RSRC1: variants seen among roughly 807,000 people sequenced by gnomAD.
The protein encoded by RSRC1 is serine/Arginine-related protein 53.
RSRC1 carries 39 observed loss-of-function variants against 49.1 expected under a neutral mutation model. That is an observed-to-expected ratio of 0.79 (90% CI 0.61 to 1.04). RSRC1 has a LOEUF of 1.04. Ranked by LOEUF, RSRC1 falls within the 50% of genes least tolerant of loss-of-function variation. The pLI, the probability that RSRC1 is intolerant of heterozygous loss-of-function variation, is 0.00. For synonymous variants in RSRC1, 143 were observed against 130.8 expected (o/e 1.09, Z -0.63); for missense variants, 388 against 402.4 (o/e 0.96, Z 0.31).
At chr3:158,439,939 G>T (rs1736289335) in intron 6 of RSRC1, among the ~76,000 whole-genome samples, 1 of 152,064 alleles carries the variant, frequency 6.6e-6, no homozygotes, top group South Asian at 2.1e-4. Flanking sequence ...AGTATTTCAA[G>T]AGTAAGTAAT....
chr3:158,225,564 C>T (rs966790008), intron 4 of RSRC1: 2 of 343,378 alleles, frequency 5.8e-6, no homozygotes, highest in African/African-American at 4.4e-5. Context: ...GATTTACACC[C>T]CTTTTGGTTT....
intron 4 of RSRC1, among the ~76,000 whole-genome samples, chr3:158,210,263 T>G (rs922636170): frequency 2.0e-5 from 3 of 152,096 alleles, no homozygotes; most frequent in Non-Finnish European, 4.4e-5. Flanking sequence ...CACCAAGCTG[T>G]GTGGTGTTGT....
chr3:158,514,570 G>A (rs918700152), intron 7 of RSRC1, among the ~76,000 whole-genome samples: 8 of 152,034 alleles, frequency 5.3e-5, no homozygotes, highest in Admixed American at 2.0e-4. Context: ...GTGTGGTGTG[G>A]TGCTGAAAAA....
intron 4 of RSRC1, among the ~76,000 whole-genome samples, chr3:158,208,958 T>C (rs1721505733): frequency 6.6e-6 from 1 of 152,154 alleles, no homozygotes. Context: ...AGTTGACTGG[T>C]ATAAAACCTC....
At chr3:158,340,624 G>GAACT (rs1730183834) in intron 5 of RSRC1, among the ~76,000 whole-genome samples, 1 of 152,206 alleles carries the variant, frequency 6.6e-6, no homozygotes, top group Non-Finnish European at 1.5e-5. Context: ...CAGCCATGTG[G>GAACT]AACTGTAAGA....
At chr3:158,354,782 A>G (rs1731066917) in intron 5 of RSRC1, 75 bp from the exon 6 acceptor site, 2 of 1,076,200 alleles carry the variant, frequency 1.9e-6, no homozygotes, top group Non-Finnish European at 2.7e-6. Flanking sequence ...CAAATGCATT[A>G]ATTTAAAACT....
chr3:158,543,748 C>CT (rs1464016956), intron 9 of RSRC1: 2 of 325,656 alleles, frequency 6.1e-6, no homozygotes, highest in Admixed American at 5.3e-5. Flanking sequence ...AGCATTTTTT[C>CT]CTTTTTTTTT....
At chr3:158,140,704 T>A (rs1716690213) in intron 3 of RSRC1, among the ~76,000 whole-genome samples, 1 of 152,226 alleles carries the variant, frequency 6.6e-6, no homozygotes, top group Non-Finnish European at 1.5e-5. Context: ...TGGTCACATA[T>A]ATACTAAGTA....
chr3:158,216,864 C>T (rs777186742), intron 4 of RSRC1, among the ~76,000 whole-genome samples: 55 of 151,834 alleles, frequency 3.6e-4, no homozygotes, highest in Non-Finnish European at 6.3e-4. Context: ...CTCTGATGCT[C>T]ATGCTATTCA....
At chr3:158,235,960 A>G (rs1033908290) in intron 4 of RSRC1, among the ~76,000 whole-genome samples, 4 of 152,084 alleles carry the variant, frequency 2.6e-5, no homozygotes, top group African/African-American at 7.2e-5. Flanking sequence ...TACTAAAAAT[A>G]TAAAAATTAG....
chr3:158,186,210 G>T (rs1719922740), intron 3 of RSRC1, among the ~76,000 whole-genome samples: 1 of 151,848 alleles, frequency 6.6e-6, no homozygotes, highest in Admixed American at 6.6e-5. Context: ...CAGTTGTAGT[G>T]CCCACCTGCT....
At chr3:158,500,657 T>A (rs1397563301) in intron 7 of RSRC1, among the ~76,000 whole-genome samples, 1 of 152,118 alleles carries the variant, frequency 6.6e-6, no homozygotes, top group Admixed American at 6.6e-5. Context: ...ATAAAGGTGT[T>A]CATAGTAGCC....
intron 5 of RSRC1, among the ~76,000 whole-genome samples, chr3:158,301,139 A>G (rs1727522924): frequency 6.6e-6 from 1 of 151,812 alleles, no homozygotes; most frequent in East Asian, 1.9e-4. Flanking sequence ...GAACTGTCCT[A>G]GTATCTCATT....
At chr3:158,484,267 G>C (rs1337278745) in intron 7 of RSRC1, among the ~76,000 whole-genome samples, 1 of 152,094 alleles carries the variant, frequency 6.6e-6, no homozygotes, top group Non-Finnish European at 1.5e-5. Context: ...TGTGGAGACA[G>C]TTTAATTTGC....
At chr3:158,241,820 A>C (rs1046308647) in intron 4 of RSRC1, among the ~76,000 whole-genome samples, 1 of 151,952 alleles carries the variant, frequency 6.6e-6, no homozygotes, top group Non-Finnish European at 1.5e-5. Context: ...ATGATTCAAA[A>C]ATTTCCCCTT....
intron 5 of RSRC1, among the ~76,000 whole-genome samples, chr3:158,301,806 A>G (rs1450462932): frequency 2.0e-5 from 3 of 152,102 alleles, no homozygotes; most frequent in Non-Finnish European, 2.9e-5. Context: ...TGATTTAATT[A>G]TCTTTGGACA....
chr3:158,288,210 G>A (rs748389306), intron 4 of RSRC1, among the ~76,000 whole-genome samples: 4 of 152,190 alleles, frequency 2.6e-5, no homozygotes, highest in East Asian at 1.9e-4. Context: ...CTCACTCTTC[G>A]CGCCTCCTCT....
intron 5 of RSRC1, among the ~76,000 whole-genome samples, chr3:158,309,989 C>T (rs559549938): frequency 4.2e-4 from 63 of 151,532 alleles, no homozygotes; most frequent in Admixed American, 3.3e-3. Flanking sequence ...GTGTATTAAA[C>T]CATAGGAGTA....
intron 4 of RSRC1, among the ~76,000 whole-genome samples, chr3:158,252,041 A>G (rs1724238151): frequency 6.6e-6 from 1 of 152,106 alleles, no homozygotes; most frequent in Non-Finnish European, 1.5e-5. Context: ...GTTAAATTTT[A>G]TCAAATGTTT....
Sources: gnomAD v4.1 joint callset for allele counts (sites outside exome capture counted in the v4.1 genomes callset) on GRCh38, gnomAD v4.1.1 for gene constraint, MANE v1.5 for transcripts, NCBI Gene and HGNC (gene_info 2026-07-23, HGNC 2026-07-21) for gene names.